Variants in IGF1R observed in about 807,000 individuals in gnomAD.
IGF1R encodes the protein insulin like growth factor 1 receptor.
IGF1R carries 44 observed loss-of-function variants against 144.6 expected under a neutral mutation model. That is an observed-to-expected ratio of 0.30 (90% CI 0.24 to 0.39). IGF1R has a LOEUF of 0.39. Among genes scored for constraint, IGF1R ranks in the 10% least tolerant of loss-of-function variants. The pLI is 1.00. For synonymous variants in IGF1R, 795 were observed against 722.8 expected (o/e 1.10, Z -1.60); for missense variants, 1,355 against 1,833.7 (o/e 0.74, Z 4.77).
At chr15:98,791,509 G>A (rs903060718) in intron 2 of IGF1R, among the ~76,000 whole-genome samples, 2 of 152,122 alleles carry the variant, frequency 1.3e-5, no homozygotes, top group African/African-American at 4.8e-5. Context: ...CTGTGTCAGA[G>A]GAAGATTTTC....
intron 1 of IGF1R, among the ~76,000 whole-genome samples, chr15:98,676,727 A>G (rs2053056449): frequency 6.6e-6 from 1 of 152,194 alleles, no homozygotes; most frequent in Non-Finnish European, 1.5e-5. Context: ...ATTTCCAGAT[A>G]TTTGAATTAC....
chr15:98,953,668 C>T (rs984695824), intron 20 of IGF1R, among the ~76,000 whole-genome samples: 1 of 152,176 alleles, frequency 6.6e-6, no homozygotes, highest in Non-Finnish European at 1.5e-5. Context: ...CACAGCTCCA[C>T]GTGTCCAGAC....
In IGF1R at chr15:98,957,143, G is replaced by C; in HGVS notation, c.3805G>C (p.Glu1269Gln). ...FLEIISSIKE[E>Q]MEPGFREVSF... is the part of the protein sequence containing the mutation. ...GGAGATCATCAGCAGCATCAAAGAGGAGATGGAGCCTGGCTTCCGGGAGGT... is the reference window on the plus strand; with the variant it reads ...GGAGATCATCAGCAGCATCAAAGAGCAGATGGAGCCTGGCTTCCGGGAGGT... The change falls in exon 21 of 21, where the codon GAG becomes CAG. Residue 1269 changes from glutamate (E) to glutamine (Q), a missense_variant. Glu to Gln is a conservative substitution (Grantham distance 29). Transcript: ENST00000650285. The C allele has an allele frequency of 1.9e-6, 3 of 1,614,224 alleles. No individual in the cohort carries two copies. The highest frequency in any genetic ancestry group is 1.7e-6 in the Non-Finnish European group (2 of 1,180,042).
chr15:98,707,043 T>G lies in IGF1R; in HGVS notation c.95-519T>G, dbSNP rs1335209149. Among the ~76,000 whole-genome samples, 1 of 152,086 alleles carries G rather than the reference T, an allele frequency of 6.6e-6. No homozygotes were observed. The highest frequency in any genetic ancestry group is 1.9e-4 in the East Asian group (1 of 5,186). ...GTAGTGGGAAGCATGGAAGCATGCG[T>G]TTTTTAGTCCCCACTTTACAAGTCA... On this transcript the variant is annotated intron_variant, in intron 1 of 20. Transcript: ENST00000650285. The surrounding 1 kb of genome is among the most constrained non-coding windows in gnomAD (Gnocchi z 6.7).
At chr15:98,927,144 C>T (rs766154078) in intron 13 of IGF1R, among the ~76,000 whole-genome samples, 3 of 152,150 alleles carry the variant, frequency 2.0e-5, no homozygotes, top group African/African-American at 7.2e-5. Context: ...AGTGGGAAAT[C>T]GGGAGTCCTT....
At chr15:98,728,470 T>G (rs543504044) in intron 2 of IGF1R, among the ~76,000 whole-genome samples, 1 of 152,230 alleles carries the variant, frequency 6.6e-6, no homozygotes, top group African/African-American at 2.4e-5. Flanking sequence ...GGGCCTGACT[T>G]AGTGCTCCCA....
Position 98,934,874 on chromosome 15 carries a change from C to T in IGF1R, c.3007C>T (p.Arg1003Trp), listed in dbSNP as rs2151707829. 1 of 1,614,084 alleles carries T rather than the reference C, an allele frequency of 6.2e-7. No homozygotes were observed. The highest frequency in any genetic ancestry group is 8.5e-7 in the Non-Finnish European group (1 of 1,180,016). Reference protein sequence around the residue: ...EVAREKITMSRELGQGSFGMV... With the variant: ...EVAREKITMSWELGQGSFGMV... ...GGCTCGGGAGAAGATCACCATGAGC[C>T]GGGAACTTGGGCAGGGGTCGTTTGG... The change falls in exon 16 of 21, where the codon CGG becomes TGG. Residue 1003 changes from arginine (R) to tryptophan (W), a missense_variant. Arg to Trp is a moderately radical substitution (Grantham distance 101). This residue lies in a region of IGF1R where 880 missense variants were observed against 1,202.7 expected (regional missense o/e 0.73). Coordinates refer to ENST00000650285, the MANE Select transcript of IGF1R (RefSeq NM_000875.5).
chr15:98,775,109 G>A (rs1005204378), intron 2 of IGF1R, among the ~76,000 whole-genome samples: 14 of 152,234 alleles, frequency 9.2e-5, no homozygotes, highest in Middle Eastern at 3.4e-3. Flanking sequence ...TAATACCTGA[G>A]TCCATGTGTA....
chr15:98,658,410 T>C (rs1016648553), intron 1 of IGF1R, among the ~76,000 whole-genome samples: 2 of 152,194 alleles, frequency 1.3e-5, no homozygotes, highest in African/African-American at 4.8e-5. Context: ...GACTTAAAAA[T>C]ATTTGGGGGA....
intron 2 of IGF1R, among the ~76,000 whole-genome samples, chr15:98,849,368 G>GA (rs2011459534): frequency 6.6e-6 from 1 of 152,124 alleles, no homozygotes; most frequent in African/African-American, 2.4e-5. Flanking sequence ...CTCTGGAAAA[G>GA]AAAGTAAATT....
chr15:98,777,456 G>A (rs1025457055), intron 2 of IGF1R, among the ~76,000 whole-genome samples: 2 of 152,360 alleles, frequency 1.3e-5, no homozygotes, highest in East Asian at 3.9e-4. Flanking sequence ...GAAACAAAAT[G>A]CTGGTTAAGG....
At chr15:98,743,098 T>G (rs2054785419) in intron 2 of IGF1R, among the ~76,000 whole-genome samples, 1 of 152,220 alleles carries the variant, frequency 6.6e-6, no homozygotes, top group African/African-American at 2.4e-5. Context: ...TTTTTTCTTT[T>G]ACTTCCTTTT....
intron 2 of IGF1R, among the ~76,000 whole-genome samples, chr15:98,825,316 C>G (rs749467308): frequency 3.3e-5 from 5 of 152,230 alleles, no homozygotes; most frequent in Non-Finnish European, 5.9e-5. Flanking sequence ...CACAGATGCT[C>G]AAGTCCCTTT....
chr15:98,652,610 GAA>G (rs2052396190), intron 1 of IGF1R, among the ~76,000 whole-genome samples: 1 of 152,206 alleles, frequency 6.6e-6, no homozygotes, highest in Non-Finnish European at 1.5e-5. Context: ...TGCTAAGGTT[GAA>G]TAGATGAAGC....
At chr15:98,909,356 T>A (rs926053596) in intron 6 of IGF1R, among the ~76,000 whole-genome samples, 3 of 147,242 alleles carry the variant, frequency 2.0e-5, no homozygotes, top group Non-Finnish European at 4.5e-5. Flanking sequence ...CCACCTCGGT[T>A]CAAGCGGTTC....
intron 2 of IGF1R, among the ~76,000 whole-genome samples, chr15:98,790,987 T>C (rs2056115221): frequency 6.6e-6 from 1 of 152,222 alleles, no homozygotes; most frequent in Non-Finnish European, 1.5e-5. Flanking sequence ...TCCAGCAAGC[T>C]GTAGTTGTTC....
intron 2 of IGF1R, among the ~76,000 whole-genome samples, chr15:98,793,542 G>A (rs965452144): frequency 6.6e-6 from 1 of 152,178 alleles, no homozygotes; most frequent in Non-Finnish European, 1.5e-5. Flanking sequence ...CGATATCCCA[G>A]TGCTTCTCTA....
chr15:98,885,816 ATTTTTTTT>A (rs3073979), intron 2 of IGF1R, among the ~76,000 whole-genome samples: 2 of 137,722 alleles, frequency 1.5e-5, no homozygotes, highest in African/African-American at 5.3e-5. Context: ...TGAGTCTCCT[ATTTTTTTT>A]TTTTTTTTGG....
At chr15:98,821,985 A>G (rs2056811603) in intron 2 of IGF1R, among the ~76,000 whole-genome samples, 1 of 152,252 alleles carries the variant, frequency 6.6e-6, no homozygotes, top group Non-Finnish European at 1.5e-5. Context: ...GAAGTGCTAA[A>G]ATACTTGTAG....
Sources: gnomAD v4.1 joint callset for allele counts (sites outside exome capture counted in the v4.1 genomes callset) on GRCh38, gnomAD v4.1.1 for gene constraint, gnomAD v4.1.1 regional missense constraint, Gnocchi (gnomAD v3.1) non-coding constraint, MANE v1.5 for transcripts, NCBI Gene and HGNC (gene_info 2026-07-23, HGNC 2026-07-21) for gene names.